Variants in ELMO1 observed in about 807,000 individuals in gnomAD.
ELMO1 encodes the protein engulfment and cell motility protein 1.
A neutral mutation model predicts 98.9 loss-of-function variants in ELMO1; 26 were observed. That is an observed-to-expected ratio of 0.26 (90% CI 0.19 to 0.36). ELMO1 has a LOEUF of 0.36. ELMO1 is among the 10% of genes least tolerant of loss of function. The pLI is 1.00. For synonymous variants in ELMO1, 346 were observed against 346.0 expected (o/e 1.00, Z 0.00); for missense variants, 627 against 935.2 (o/e 0.67, Z 4.30).
chr7:37,425,848 GA>G (rs1315580729), intron 1 of ELMO1, among the ~76,000 whole-genome samples: 1 of 152,318 alleles, frequency 6.6e-6, no homozygotes, highest in African/African-American at 2.4e-5. Flanking sequence ...GATATACTGA[GA>G]ACTTCTCAGG....
intron 6 of ELMO1, among the ~76,000 whole-genome samples, chr7:37,245,646 C>G (rs1459750739): frequency 6.6e-6 from 1 of 152,034 alleles, no homozygotes; most frequent in African/African-American, 2.4e-5. Flanking sequence ...GACGGGGAGG[C>G]AGGCCTGAGC....
intron 1 of ELMO1, among the ~76,000 whole-genome samples, chr7:37,379,152 G>A (rs951654064): frequency 6.6e-6 from 1 of 151,674 alleles, no homozygotes; most frequent in Admixed American, 6.6e-5. Context: ...CCATTCTCTT[G>A]CCTCCGCCTC....
At chr7:37,127,538 T>C (rs1318912695) in intron 14 of ELMO1, among the ~76,000 whole-genome samples, 1 of 152,158 alleles carries the variant, frequency 6.6e-6, no homozygotes, top group African/African-American at 2.4e-5. Flanking sequence ...TATAAAATGG[T>C]GATAACAATG....
Position 37,324,266 on chromosome 7 carries a change from A to C in ELMO1, c.79-8306T>G, listed in dbSNP as rs371935154. Among the ~76,000 whole-genome samples, 22 of 152,298 alleles carry C rather than the reference A, an allele frequency of 1.4e-4. No individual in the cohort carries two copies. In the East Asian group the frequency reaches 2.9e-3, roughly 20 times the overall value. On this transcript the variant is annotated intron_variant, in intron 2 of 21. Transcript: ENST00000310758. ...TTGCTGCCCACATTTCTGCCTTGAC[A>C]CTGGCCTGCTGAGACTGGCAGCGCC...
intron 1 of ELMO1, among the ~76,000 whole-genome samples, chr7:37,401,365 C>T (rs1008017665): frequency 2.6e-5 from 4 of 152,190 alleles, no homozygotes; most frequent in African/African-American, 7.2e-5. Context: ...CTCTTACCTT[C>T]CCCTCACCCC....
At chr7:37,213,118 C>T (rs1383796187) in intron 12 of ELMO1, among the ~76,000 whole-genome samples, 1 of 152,128 alleles carries the variant, frequency 6.6e-6, no homozygotes, top group Non-Finnish European at 1.5e-5. Flanking sequence ...GCAGAAAGAA[C>T]ATGCATGTTT....
At chr7:37,047,820 A>G (rs899678398) in intron 15 of ELMO1, among the ~76,000 whole-genome samples, 1 of 152,218 alleles carries the variant, frequency 6.6e-6, no homozygotes, top group Non-Finnish European at 1.5e-5. Flanking sequence ...TCTCCAGGAA[A>G]GAATTCATAC....
chr7:36,864,095 G>C (rs1257051806), intron 20 of ELMO1, among the ~76,000 whole-genome samples: 1 of 152,164 alleles, frequency 6.6e-6, no homozygotes, highest in Non-Finnish European at 1.5e-5. Context: ...GGCTGACCCT[G>C]GGTGACAAGT....
At chr7:36,975,336 G>C (rs369485711) in intron 16 of ELMO1, among the ~76,000 whole-genome samples, 16 of 152,188 alleles carry the variant, frequency 1.1e-4, no homozygotes, top group Middle Eastern at 3.4e-3. Context: ...GCCAGGCATG[G>C]TGACACATGC....
At chr7:37,391,099 G>A (rs183136102) in intron 1 of ELMO1, among the ~76,000 whole-genome samples, 10 of 118,374 alleles carry the variant, frequency 8.4e-5, no homozygotes, top group South Asian at 3.0e-4. Context: ...TCCCCCCACC[G>A]CTCTTTCTTT....
At chr7:37,129,598 G>A (rs75369278) in intron 14 of ELMO1, among the ~76,000 whole-genome samples, 3,429 of 152,260 alleles carry the variant, frequency 0.023, 135 homozygotes, top group African/African-American at 0.079. Flanking sequence ...CCTCTTCCTC[G>A]GAGAAGGTCA....
chr7:37,102,003 TA>T (rs1455421598), intron 14 of ELMO1, among the ~76,000 whole-genome samples: 1 of 152,114 alleles, frequency 6.6e-6, no homozygotes, highest in Non-Finnish European at 1.5e-5. Flanking sequence ...TCTCCCATAC[TA>T]AATCAACAAA....
At chr7:36,920,109 C>T (rs2129073655) in intron 16 of ELMO1, among the ~76,000 whole-genome samples, 1 of 152,322 alleles carries the variant, frequency 6.6e-6, no homozygotes, top group South Asian at 2.1e-4. Context: ...CCACTAAGAC[C>T]CAGCTCTTGC....
At chr7:37,360,045 TC>T (rs1336292452) in intron 1 of ELMO1, among the ~76,000 whole-genome samples, 1 of 152,224 alleles carries the variant, frequency 6.6e-6, no homozygotes, top group East Asian at 1.9e-4. Context: ...GATCATAATT[TC>T]CGTTCTGGTA....
intron 7 of ELMO1, among the ~76,000 whole-genome samples, chr7:37,236,520 T>C (rs953064358): frequency 6.6e-6 from 1 of 152,180 alleles, no homozygotes; most frequent in Non-Finnish European, 1.5e-5. Flanking sequence ...GATAGGAATA[T>C]ATAATAGGAC....
chr7:37,151,104 G>C (rs1788326108), intron 13 of ELMO1, among the ~76,000 whole-genome samples: 1 of 152,198 alleles, frequency 6.6e-6, no homozygotes, highest in Non-Finnish European at 1.5e-5. Flanking sequence ...AAACAGTGTG[G>C]GGAGACTAGG....
chr7:36,996,380 G>A (rs1183591009), intron 16 of ELMO1, among the ~76,000 whole-genome samples: 1 of 152,002 alleles, frequency 6.6e-6, no homozygotes, highest in Non-Finnish European at 1.5e-5. Flanking sequence ...TCAACAATAG[G>A]ATAAAAATTC....
intron 13 of ELMO1, among the ~76,000 whole-genome samples, chr7:37,151,760 G>C (rs892965138): frequency 2.0e-5 from 3 of 152,106 alleles, no homozygotes; most frequent in African/African-American, 7.2e-5. Flanking sequence ...AATCAGTGTT[G>C]AAATTAAAAT....
At chr7:37,181,891 G>C (rs1790883948) in intron 13 of ELMO1, among the ~76,000 whole-genome samples, 1 of 152,136 alleles carries the variant, frequency 6.6e-6, no homozygotes, top group Admixed American at 6.5e-5. Flanking sequence ...AAAGGAAATA[G>C]TTATTTTCTC....
Sources: gnomAD v4.1 joint callset for allele counts (sites outside exome capture counted in the v4.1 genomes callset) on GRCh38, gnomAD v4.1.1 for gene constraint, MANE v1.5 for transcripts, NCBI Gene and HGNC (gene_info 2026-07-23, HGNC 2026-07-21) for gene names.